The following CECR2 variants were observed in gnomAD, a reference collection of about 807,000 sequenced individuals.
CECR2 encodes the protein chromatin remodeling regulator CECR2.
Under a neutral mutation model 154.5 loss-of-function variants are expected in CECR2, and 30 were observed. The observed-to-expected ratio is 0.19, with a 90% CI of 0.15 to 0.26. The LOEUF (loss-of-function observed/expected upper bound fraction) is 0.26. CECR2 is among the 10% of genes least tolerant of loss of function. The pLI, the probability that CECR2 is intolerant of heterozygous loss-of-function variation, is 1.00. For synonymous variants in CECR2, 725 were observed against 683.7 expected, an observed-to-expected ratio of 1.06 and a Z score of -0.94; for missense variants, 1,743 against 1,829.3, an observed-to-expected ratio of 0.95 and a Z score of 0.86.
chr22:17,376,339 C>T (rs778025142), intron 1 of CECR2, among the ~76,000 whole-genome samples: 2 of 152,102 alleles, frequency 1.3e-5, no homozygotes, highest in Non-Finnish European at 2.9e-5. Context: ...TGCGTTAGCA[C>T]ATGGCTCGCT....
chr22:17,450,529 A>G (rs2054751987), intron 1 of CECR2, among the ~76,000 whole-genome samples: 1 of 152,180 alleles, frequency 6.6e-6, no homozygotes, highest in Non-Finnish European at 1.5e-5. Flanking sequence ...TCGGCCTCCC[A>G]AAGTGCTGGG....
At chr22:17,490,532 G>A (rs940239734) in intron 2 of CECR2, among the ~76,000 whole-genome samples, 1 of 152,072 alleles carries the variant, frequency 6.6e-6, no homozygotes, top group South Asian at 2.1e-4. Flanking sequence ...CCTCCTGAGT[G>A]CAAGCAATTC....
intron 2 of CECR2, among the ~76,000 whole-genome samples, chr22:17,482,115 C>CAAAAA (rs869050391): frequency 5.2e-5 from 4 of 76,324 alleles, no homozygotes; most frequent in African/African-American, 1.1e-4. Flanking sequence ...ACTCTGTCTC[C>CAAAAA]AAAAAAAAAA....
intron 1 of CECR2, among the ~76,000 whole-genome samples, chr22:17,423,976 C>T (rs946534051): frequency 1.3e-5 from 2 of 152,144 alleles, no homozygotes; most frequent in African/African-American, 2.4e-5. Context: ...TTGCCTTTTC[C>T]ACCTTAATAT....
intron 9 of CECR2, among the ~76,000 whole-genome samples, chr22:17,527,532 C>T (rs557226252): frequency 3.9e-5 from 6 of 152,122 alleles, no homozygotes; most frequent in South Asian, 2.1e-4. Flanking sequence ...TTTGGGAGGC[C>T]GAGGCGGGCA....
chr22:17,550,861 G>A (rs995331629), intron 17 of CECR2, among the ~76,000 whole-genome samples: 2 of 152,156 alleles, frequency 1.3e-5, no homozygotes, highest in African/African-American at 4.8e-5. Context: ...AGAATGGCGT[G>A]AACCTGGGAG....
At chr22:17,362,960 C>T (rs2062984507) in intron 1 of CECR2, among the ~76,000 whole-genome samples, 1 of 150,296 alleles carries the variant, frequency 6.7e-6, no homozygotes. Flanking sequence ...CCTTTAGGTG[C>T]CTCTTACCTT....
At chr22:17,545,390 A>AAAAAG (rs2056597327) in intron 16 of CECR2, among the ~76,000 whole-genome samples, 1 of 149,732 alleles carries the variant, frequency 6.7e-6, no homozygotes, top group African/African-American at 2.5e-5. Flanking sequence ...AAAAAAAAAA[A>AAAAAG]AAAAAAAGAA....
chr22:17,414,006 T>C (rs990105491), intron 1 of CECR2, among the ~76,000 whole-genome samples: 9 of 142,836 alleles, frequency 6.3e-5, no homozygotes, highest in South Asian at 2.2e-4. Context: ...GGAGTCTTGC[T>C]CTGTCACCCA....
intron 2 of CECR2, among the ~76,000 whole-genome samples, chr22:17,494,694 GTGTTTTTT>G (rs1868281419): frequency 6.6e-6 from 1 of 152,002 alleles, no homozygotes; most frequent in Non-Finnish European, 1.5e-5. Context: ...AACTGTTTAA[GTGTTTTTT>G]TGTTTTTTTT....
intron 1 of CECR2, among the ~76,000 whole-genome samples, chr22:17,463,514 A>AT (rs1055147045): frequency 1.3e-4 from 20 of 152,226 alleles, no homozygotes; most frequent in African/African-American, 4.8e-4. Flanking sequence ...AGTCATCAGG[A>AT]TTTGTTAATT....
rs1196925978 is a variant in CECR2, at chr22:17,542,373, C to G, written c.2230C>G (p.Arg744Gly). ...IPPRHGGAPA[R>G]PPDFPESSEI... is the part of the protein sequence containing the mutation. ...TCCCCGGCATGGGGGGGCTCCAGCCCGGCCACCAGACTTTCCTGAAAGCTC... is the reference window on the plus strand; with the variant it reads ...TCCCCGGCATGGGGGGGCTCCAGCCGGGCCACCAGACTTTCCTGAAAGCTC... The change falls in exon 16 of 19, where the codon CGG (arginine) becomes GGG (glycine). Residue 744 changes from arginine (R) to glycine (G), a missense_variant. By Grantham distance (125) the Arg-to-Gly change is moderately radical. Transcript: ENST00000262608. 7.4e-6 allele frequency: 12 copies of G among 1,613,782 alleles called. No individual in the cohort carries two copies. The highest frequency in any genetic ancestry group is 1.3e-5 in the African/African-American group (1 of 75,046).
intron 9 of CECR2, 67 bp from the exon 10 acceptor site, chr22:17,537,036 A>G: frequency 6.4e-7 from 1 of 1,571,608 alleles, no homozygotes; most frequent in Non-Finnish European, 8.7e-7. Flanking sequence ...TCTCACAGTG[A>G]TGAAGGAACA....
chr22:17,507,361 C>G (rs1367209174), intron 7 of CECR2, among the ~76,000 whole-genome samples: 1 of 152,174 alleles, frequency 6.6e-6, no homozygotes, highest in Non-Finnish European at 1.5e-5. Context: ...TTGTGATCAG[C>G]AATTCACTGC....
intron 1 of CECR2, among the ~76,000 whole-genome samples, chr22:17,447,448 C>G (rs796182825): frequency 4.5e-4 from 68 of 151,932 alleles, no homozygotes; most frequent in Admixed American, 1.2e-3. Flanking sequence ...CCACCGTGCC[C>G]GGCTGTTTAC....
chr22:17,523,526 G>A (rs2056195201), intron 8 of CECR2, among the ~76,000 whole-genome samples: 1 of 151,932 alleles, frequency 6.6e-6, no homozygotes, highest in South Asian at 2.1e-4. Context: ...GGAGGCTGAG[G>A]CAGGTGGATC....
At position 17,552,011 on chromosome 22, in the gene CECR2, C is replaced by T. The variant is rs374653452; in HGVS notation, c.4278-20C>T. On this transcript the variant is annotated intron_variant, in intron 17 of 18. Coordinates refer to ENST00000262608, the MANE Select transcript of CECR2 (RefSeq NM_001290047.2). ...ACACGTCTTCATTAATTCTTCATTG[C>T]TTCTTTCTCGTGGCTGTAGAATGCA... The T allele has an allele frequency of 1.4e-5, 23 of 1,609,202 alleles. No homozygotes were observed. In the African/African-American group the frequency reaches 2.4e-4, roughly 17 times the overall value.
chr22:17,402,589 A>G (rs2053911418), intron 1 of CECR2, among the ~76,000 whole-genome samples: 1 of 152,178 alleles, frequency 6.6e-6, no homozygotes, highest in Admixed American at 6.5e-5. Context: ...GATCTCTTCT[A>G]TAAACCCTCC....
intron 1 of CECR2, among the ~76,000 whole-genome samples, chr22:17,438,635 A>AT (rs546486753): frequency 6.6e-6 from 1 of 151,102 alleles, no homozygotes; most frequent in African/African-American, 2.4e-5. Context: ...TTTTTTTGCA[A>AT]TTTTTTTTAA....
Sources: allele counts gnomAD v4.1 joint callset (sites outside exome capture counted in the v4.1 genomes callset), GRCh38; gene constraint gnomAD v4.1.1; transcripts MANE v1.5; gene names NCBI Gene and HGNC (gene_info 2026-07-23, HGNC 2026-07-21).